The following S1PR1 variants were observed in gnomAD, a reference collection of about 807,000 sequenced individuals.
S1PR1 encodes the protein sphingosine 1-phosphate receptor 1.
Under a neutral mutation model 18.3 loss-of-function variants are expected in S1PR1, and 2 were observed. The observed-to-expected ratio is 0.11, with a 90% CI of 0.04 to 0.34. The LOEUF is 0.34. Among genes scored for constraint, S1PR1 ranks in the 10% least tolerant of loss-of-function variants. S1PR1 has a pLI of 1.00. For missense variants in S1PR1, 335 were observed against 493.8 expected (o/e 0.68, Z 3.05); for synonymous variants, 222 against 211.2 (o/e 1.05, Z -0.44).
In S1PR1 at chr1:101,239,303, G is replaced by T; in HGVS notation, c.319G>T (p.Ala107Ser). The T allele has an allele frequency of 6.2e-7, 1 of 1,614,124 alleles. No individual in the cohort carries two copies. Among genetic ancestry groups the T allele is most frequent in the Non-Finnish European group, 8.5e-7 (1 of 1,180,020 alleles). ...CACAGCTAACCTGCTCTTGTCTGGG[G>T]CCACCACCTACAAGCTCACTCCCGC... ...AYTANLLLSG[A>S]TTYKLTPAQW... Residue 107 changes from alanine to serine, a missense_variant, in exon 2 of 2, where the codon GCC (alanine) becomes TCC (serine). Coordinates refer to ENST00000305352, the MANE Select transcript of S1PR1 (RefSeq NM_001400.5). The surrounding 1 kb of genome is among the most constrained non-coding windows in gnomAD (Gnocchi z 6.3).
At position 101,239,596 on chromosome 1, in the gene S1PR1, C is replaced by T. The variant is rs201265362; in HGVS notation, c.612C>T (p.Leu204=). The T allele has an allele frequency of 3.6e-5, 58 of 1,614,120 alleles. No homozygotes were observed. In the South Asian group the frequency reaches 5.3e-4, roughly 15 times the overall value. The change falls in exon 2 of 2, where the codon CTC becomes CTT. Residue 204 remains leucine, a synonymous_variant. Transcript: ENST00000305352. This position sits in a 1 kb window ranked among gnomAD's most constrained non-coding sequence, Gnocchi z 6.3. ...VLPLYHKHYI[L]FCTTVFTLLL... The stretch of plus-strand genomic sequence containing the variant: ...CGCTCTACCACAAGCACTATATCCT[C>T]TTCTGCACCACGGTCTTCACTCTGC...
Position 101,239,581 on chromosome 1 carries a change from C to G in S1PR1, c.597C>G (p.His199Gln). Residue 199 changes from histidine to glutamine, a missense_variant, in exon 2 of 2, where the codon CAC becomes CAG. Physicochemically the swap from His to Gln is conservative, Grantham distance 24. Transcript: ENST00000305352. The surrounding 1 kb of genome is among the most constrained non-coding windows in gnomAD (Gnocchi z 6.3). ...SSCSTVLPLY[H>Q]KHYILFCTTV... Reference sequence around the variant, plus strand: ...GCTCCACCGTGCTGCCGCTCTACCACAAGCACTATATCCTCTTCTGCACCA... The same window carrying G: ...GCTCCACCGTGCTGCCGCTCTACCAGAAGCACTATATCCTCTTCTGCACCA... 6.2e-7 allele frequency: 1 copy of G among 1,614,110 alleles called. No individual in the cohort carries two copies. The highest frequency in any genetic ancestry group is 1.1e-5 in the South Asian group (1 of 91,078).
Position 101,238,932 on chromosome 1 carries a change from C to A in S1PR1, c.-53C>A. The A allele has an allele frequency of 6.5e-7, 1 of 1,530,388 alleles. No individual in the cohort carries two copies. Among genetic ancestry groups the A allele is most frequent in the Non-Finnish European group, 8.8e-7 (1 of 1,134,450 alleles). The allele number at this position is 1,530,388 out of a possible 1,614,324, so 94.8% of individuals were successfully genotyped here. A position where few individuals can be genotyped will look rare whatever the true frequency, so the allele number is the denominator to read the frequency against. On this transcript the variant is annotated 5_prime_UTR_variant, in exon 2 of 2. Coordinates refer to ENST00000305352, the MANE Select transcript of S1PR1 (RefSeq NM_001400.5). ...AAGGCTCTCTCGCCTCGCCCTCTAG[C>A]GTTCGTCTGGAGTAGCGCCACCCCG...
intron 1 of S1PR1, 85 bp from the exon 2 acceptor site, chr1:101,238,737 A>G: frequency 2.1e-6 from 1 of 478,006 alleles, no homozygotes. Flanking sequence ...CAACAACAAC[A>G]CAATTGGAGC....
rs1652792789 is a variant in S1PR1 at position 101,238,805 on chromosome 1, C to T, written c.-163-17C>T. The stretch of plus-strand genomic sequence containing the variant: ...GCTGTGGCTCTTTCCCTGACTCTCT[C>T]CTCTGACTTGTTTAAGGCTGCGGTT... On this transcript the variant is annotated splice_polypyrimidine_tract_variant and intron_variant, in intron 1 of 1. Transcript: ENST00000305352. 5 of 614,764 alleles carry T rather than the reference C, an allele frequency of 8.1e-6. No homozygotes were observed. Among genetic ancestry groups the T allele is most frequent in the Non-Finnish European group, 1.4e-5 (5 of 351,032 alleles). The allele number at this position is 614,764 out of a possible 1,614,324, so 38.1% of individuals were successfully genotyped here.
chr1:101,239,408 C>T lies in S1PR1; in HGVS notation c.424C>T (p.Arg142Cys). 1 of 1,614,148 alleles carries T rather than the reference C, an allele frequency of 6.2e-7. No individual in the cohort carries two copies. Among genetic ancestry groups the T allele is most frequent in the Non-Finnish European group, 8.5e-7 (1 of 1,180,028 alleles). The change falls in exon 2 of 2, where the codon CGC (arginine) becomes TGC (cysteine). Residue 142 changes from arginine to cysteine, a missense_variant. This residue lies in a region of S1PR1 where 214 missense variants were observed against 366.6 expected (regional missense o/e 0.58). Coordinates refer to ENST00000305352, the MANE Select transcript of S1PR1 (RefSeq NM_001400.5). This position sits in a 1 kb window ranked among gnomAD's most constrained non-coding sequence, Gnocchi z 6.3. ...VFSLLAIAIE[R>C]YITMLKMKLH... Reference sequence around the variant, plus strand: ...CAGTCTCCTCGCCATCGCCATTGAGCGCTATATCACAATGCTGAAAATGAA... The same window carrying T: ...CAGTCTCCTCGCCATCGCCATTGAGTGCTATATCACAATGCTGAAAATGAA...
rs1652852522 is a variant in S1PR1 at position 101,240,435 on chromosome 1, T to G, written c.*302T>G. 2.4e-6 allele frequency: 1 copy of G among 409,752 alleles called. No individual in the cohort carries two copies. Among genetic ancestry groups the G allele is most frequent in the Middle Eastern group, 6.0e-4 (1 of 1,668 alleles). 25.4% of individuals were successfully genotyped at this position (409,752 alleles called of 1,614,324 possible). On this transcript the variant is annotated 3_prime_UTR_variant, in exon 2 of 2. Transcript: ENST00000305352. ...CTAGCATTGTCAAGCTCCTAAAGGG[T>G]TCATTTGGCCCCTCCTCAAAGACTA...
intron 1 of S1PR1, 115 bp from the exon 2 acceptor site, chr1:101,238,707 C>T (rs1265125212): frequency 4.7e-6 from 2 of 422,268 alleles, no homozygotes; most frequent in African/African-American, 4.0e-5. Context: ...GAGCTCTCCC[C>T]AAGTTTCTTT....
Position 101,240,009 on chromosome 1 carries a change from G to A in S1PR1, c.1025G>A (p.Arg342Gln), listed in dbSNP as rs138199836. Residue 342 changes from arginine to glutamine, a missense_variant, in exon 2 of 2, where the codon CGA becomes CAA. Around this residue, in one of 3 missense-constraint regions of S1PR1, gnomAD observed 90 missense variants for 97.6 expected, o/e 0.92. Transcript: ENST00000305352. Reference protein sequence around the residue: ...PSGDSAGKFKRPIIAGMEFSR... With the variant: ...PSGDSAGKFKQPIIAGMEFSR... ...GGAGACTCTGCTGGCAAATTCAAGCGACCCATCATCGCCGGCATGGAATTC... is the reference window on the plus strand; with the variant it reads ...GGAGACTCTGCTGGCAAATTCAAGCAACCCATCATCGCCGGCATGGAATTC... The A allele has an allele frequency of 1.9e-6, 3 of 1,613,836 alleles. No individual in the cohort carries two copies. Among genetic ancestry groups the A allele is most frequent in the African/African-American group, 1.3e-5 (1 of 74,880 alleles).
rs1488954133 is a variant in S1PR1 at position 101,240,197 on chromosome 1, G to GA, written c.*71dup. The GA allele has an allele frequency of 1.3e-6, 2 of 1,560,710 alleles. No homozygotes were observed. The highest frequency in any genetic ancestry group is 1.7e-6 in the Non-Finnish European group (2 of 1,146,356). Reference sequence around the variant, plus strand: ...TGGTCGCTGGCCACCCCAGTGTTTGGAAAAAAATCTCTGGGCTTCGACTGC... The same window carrying GA: ...TGGTCGCTGGCCACCCCAGTGTTTGGAAAAAAAATCTCTGGGCTTCGACTGC... On this transcript the variant is annotated 3_prime_UTR_variant, in exon 2 of 2. Coordinates refer to ENST00000305352, the MANE Select transcript of S1PR1 (RefSeq NM_001400.5).
Position 101,239,617 on chromosome 1 carries a change from T to G in S1PR1, c.633T>G (p.Thr211=). 6.2e-7 allele frequency: 1 copy of G among 1,614,102 alleles called. No individual in the cohort carries two copies. Among genetic ancestry groups the G allele is most frequent in the Middle Eastern group, 1.6e-4 (1 of 6,062 alleles). The change falls in exon 2 of 2, where the codon ACT becomes ACG. Residue 211 remains threonine (T), a synonymous_variant. Transcript: ENST00000305352. This position sits in a 1 kb window ranked among gnomAD's most constrained non-coding sequence, Gnocchi z 6.3. ...HYILFCTTVF[T]LLLLSIVILY... is the part of the protein sequence containing the mutation. ...TCCTCTTCTGCACCACGGTCTTCAC[T>G]CTGCTTCTGCTCTCCATCGTCATTC... is the stretch of plus-strand genomic sequence containing the variant.
chr1:101,237,280 C>G (rs773281088), intron 1 of S1PR1, among the ~76,000 whole-genome samples, 181 bp downstream of exon 1: 1 of 152,154 alleles, frequency 6.6e-6, no homozygotes, highest in Non-Finnish European at 1.5e-5. Flanking sequence ...TCAGATTGTT[C>G]TTGGGCACTT....
At chr1:101,237,688 A>G (rs1343594972) in intron 1 of S1PR1, among the ~76,000 whole-genome samples, 1 of 152,136 alleles carries the variant, frequency 6.6e-6, no homozygotes, top group South Asian at 2.1e-4. Context: ...GTCCTAGGAG[A>G]GGAGTCAACG....
rs201851389 is a variant in S1PR1 at position 101,241,408 on chromosome 1, T to A, written c.*1275T>A. 1 of 166,058 alleles carries A rather than the reference T, an allele frequency of 6.0e-6. No homozygotes were observed. Among genetic ancestry groups the A allele is most frequent in the Non-Finnish European group, 1.5e-5 (1 of 68,110 alleles). The allele number at this position is 166,058 out of a possible 1,614,324, so 10.3% of individuals were successfully genotyped here. A position where few individuals can be genotyped will look rare whatever the true frequency, so the allele number is the denominator to read the frequency against. The stretch of plus-strand genomic sequence containing the variant: ...TTTTCAGTGCAATTAAACCGAGAGA[T>A]GTCTTGTTTTTTTAAAAAGAATAGT... On this transcript the variant is annotated 3_prime_UTR_variant, in exon 2 of 2. Coordinates refer to ENST00000305352, the MANE Select transcript of S1PR1 (RefSeq NM_001400.5).
Position 101,240,624 on chromosome 1 carries a change from T to G in S1PR1, c.*491T>G, listed in dbSNP as rs200415060. The G allele has an allele frequency of 2.7e-5, 5 of 182,358 alleles. No individual in the cohort carries two copies. The South Asian group carries it at 7.2e-4, about 26-fold the overall frequency. The allele number at this position is 182,358 out of a possible 1,614,324, so 11.3% of individuals were successfully genotyped here. On this transcript the variant is annotated 3_prime_UTR_variant, in exon 2 of 2. Coordinates refer to ENST00000305352, the MANE Select transcript of S1PR1 (RefSeq NM_001400.5). The stretch of plus-strand genomic sequence containing the variant: ...CCCTTCATACCCCTCCTCAACGTTC[T>G]TTTACTTTATACTTTAACTACCTGA...
chr1:101,238,779 T>C (rs997714643), intron 1 of S1PR1, 43 bp from the exon 2 acceptor site: 2 of 592,242 alleles, frequency 3.4e-6, no homozygotes, highest in Non-Finnish European at 6.0e-6. Flanking sequence ...TATGCCAGTA[T>C]GCTGTGGCTC....
In S1PR1 at chr1:101,240,377, C is replaced by A. The variant is rs1016689704; in HGVS notation, c.*244C>A. ...CGGCCTGGAATATATTTTCTACCCC[C>A]CTGGAGCTTTGATTTTGCACTGAGC... On this transcript the variant is annotated 3_prime_UTR_variant, in exon 2 of 2. Transcript: ENST00000305352. 1.4e-5 allele frequency: 8 copies of A among 576,050 alleles called. No homozygotes were observed. The Admixed American group carries it at 1.6e-4, about 11-fold the overall frequency. The allele number at this position is 576,050 out of a possible 1,614,324, so 35.7% of individuals were successfully genotyped here. A position where few individuals can be genotyped will look rare whatever the true frequency, so the allele number is the denominator to read the frequency against.
In S1PR1 at chr1:101,239,491, C is replaced by T; in HGVS notation, c.507C>T (p.Val169=). 1 of 1,613,890 alleles carries T rather than the reference C, an allele frequency of 6.2e-7. No individual in the cohort carries two copies. Among genetic ancestry groups the T allele is most frequent in the Non-Finnish European group, 8.5e-7 (1 of 1,179,996 alleles). ...RLFLLISACW[V]ISLILGGLPI... is the part of the protein sequence containing the mutation. ...TCCTGCTAATCAGCGCCTGCTGGGTCATCTCCCTCATCCTGGGTGGCCTGC... is the reference window on the plus strand; with the variant it reads ...TCCTGCTAATCAGCGCCTGCTGGGTTATCTCCCTCATCCTGGGTGGCCTGC... The change falls in exon 2 of 2, where the codon GTC becomes GTT. Residue 169 remains valine (V), a synonymous_variant. Coordinates refer to ENST00000305352, the MANE Select transcript of S1PR1 (RefSeq NM_001400.5). The surrounding 1 kb of genome is among the most constrained non-coding windows in gnomAD (Gnocchi z 6.3).
rs1652852272 is a variant in S1PR1 at position 101,240,424 on chromosome 1, C to T, written c.*291C>T. On this transcript the variant is annotated 3_prime_UTR_variant, in exon 2 of 2. Coordinates refer to ENST00000305352, the MANE Select transcript of S1PR1 (RefSeq NM_001400.5). ...GAGCCAAAGGTCTAGCATTGTCAAG[C>T]TCCTAAAGGGTTCATTTGGCCCCTC... 1 of 456,182 alleles carries T rather than the reference C, an allele frequency of 2.2e-6. No individual in the cohort carries two copies. Among genetic ancestry groups the T allele is most frequent in the Non-Finnish European group, 4.1e-6 (1 of 244,616 alleles). 28.3% of individuals were successfully genotyped at this position (456,182 alleles called of 1,614,324 possible).
Sources: gnomAD v4.1 joint callset for allele counts (sites outside exome capture counted in the v4.1 genomes callset) on GRCh38, gnomAD v4.1.1 for gene constraint, gnomAD v4.1.1 regional missense constraint, Gnocchi (gnomAD v3.1) non-coding constraint, MANE v1.5 for transcripts, NCBI Gene and HGNC (gene_info 2026-07-23, HGNC 2026-07-21) for gene names.